Variants in LRRFIP2 observed in about 807,000 individuals in gnomAD.
LRRFIP2 encodes LRR binding FLII interacting protein 2, also known as leucine-rich repeat flightless-interacting protein 2.
LRRFIP2 carries 109 observed loss-of-function variants against 125.9 expected under a neutral mutation model. The observed-to-expected ratio is 0.87, with a 90% CI of 0.74 to 1.01. LRRFIP2 has a LOEUF of 1.01. LRRFIP2 is among the 50% of genes least tolerant of loss of function. The pLI is 0.00. For synonymous variants in LRRFIP2, 291 were observed against 293.1 expected (o/e 0.99, Z 0.07); for missense variants, 850 against 862.3 (o/e 0.99, Z 0.18).
chr3:37,057,960 AT>A (rs2087391806), intron 25 of LRRFIP2, among the ~76,000 whole-genome samples: 1 of 152,214 alleles, frequency 6.6e-6, no homozygotes, highest in African/African-American at 2.4e-5. Context: ...AATAGACTTT[AT>A]TTTGTGGACT....
At chr3:37,084,051 T>C (rs1159769154) in intron 18 of LRRFIP2, among the ~76,000 whole-genome samples, 3 of 152,174 alleles carry the variant, frequency 2.0e-5, no homozygotes, top group South Asian at 2.1e-4. Flanking sequence ...AGCAGCAACA[T>C]AGCCTCTGAA....
chr3:37,166,701 T>C (rs9755599), intron 1 of LRRFIP2, among the ~76,000 whole-genome samples: 57,563 of 150,814 alleles, frequency 0.38, 11,621 homozygotes, highest in Non-Finnish European at 0.45. Context: ...GAGACCAGCC[T>C]GGGCAACATG....
rs527740535 is a variant in LRRFIP2 at position 37,163,731 on chromosome 3, CAAAATTA to C, written c.-56+10801_-56+10807del. ...GAGGTAGTAGAGCTTTTTGGTTTTTCAAAATTAAAAATTTTGGCCAAAAATACATGTA... is the reference window on the plus strand; with the variant it reads ...GAGGTAGTAGAGCTTTTTGGTTTTTCAAAATTTTGGCCAAAAATACATGTA... On this transcript the variant is annotated intron_variant, in intron 1 of 27. Coordinates refer to ENST00000336686, the MANE Select transcript of LRRFIP2 (RefSeq NM_006309.4). Among the ~76,000 whole-genome samples the C allele has an allele frequency of 1.2e-4, 18 of 152,190 alleles. No individual in the cohort carries two copies. In the South Asian group the frequency reaches 3.5e-3, roughly 30 times the overall value.
At chr3:37,110,807 T>C (rs1298402038) in intron 9 of LRRFIP2, among the ~76,000 whole-genome samples, 184 bp downstream of exon 9, 1 of 152,204 alleles carries the variant, frequency 6.6e-6, no homozygotes, top group African/African-American at 2.4e-5. Context: ...TTTATAAACA[T>C]GATGACTGAA....
chr3:37,071,870 T>C (rs2091253601), intron 21 of LRRFIP2, among the ~76,000 whole-genome samples: 1 of 152,140 alleles, frequency 6.6e-6, no homozygotes, highest in African/African-American at 2.4e-5. Flanking sequence ...CCACATGAGA[T>C]GAACTGGAGG....
chr3:37,160,259 C>T (rs934281322), intron 1 of LRRFIP2, among the ~76,000 whole-genome samples: 1 of 151,938 alleles, frequency 6.6e-6, no homozygotes, highest in Non-Finnish European at 1.5e-5. Flanking sequence ...TTTAAATCAC[C>T]CATCCTGCTA....
At chr3:37,135,049 C>T (rs2095523045) in intron 2 of LRRFIP2, 1 of 1,423,730 alleles carries the variant, frequency 7.0e-7, no homozygotes, top group Non-Finnish European at 9.9e-7. Context: ...ATAAAATAGA[C>T]AGACGTAAAA....
intron 2 of LRRFIP2, 73 bp from the exon 3 acceptor site, chr3:37,129,222 A>C: frequency 7.5e-7 from 1 of 1,336,484 alleles, no homozygotes; most frequent in African/African-American, 1.4e-5. Context: ...TTGAAAATAA[A>C]GAATGGGACA....
In LRRFIP2 at chr3:37,054,404, G is replaced by A. The variant is rs772152883; in HGVS notation, c.2055+7C>T. 1.9e-6 allele frequency: 3 copies of A among 1,600,462 alleles called. No individual in the cohort carries two copies. Among genetic ancestry groups the A allele is most frequent in the Non-Finnish European group, 2.6e-6 (3 of 1,168,532 alleles). On this transcript the variant is annotated splice_region_variant and intron_variant, in intron 27 of 27. Transcript: ENST00000336686. ...GTATTCTCCAAGAAACATATTAAAAGAAGTACCTCTCGTTGTAGCTTCCGT... is the reference window on the plus strand; with the variant it reads ...GTATTCTCCAAGAAACATATTAAAAAAAGTACCTCTCGTTGTAGCTTCCGT...
chr3:37,100,612 G>A (rs2093986174), intron 15 of LRRFIP2, among the ~76,000 whole-genome samples: 1 of 151,990 alleles, frequency 6.6e-6, no homozygotes, highest in South Asian at 2.1e-4. Flanking sequence ...TAAACTGTCA[G>A]CACTTTCACT....
chr3:37,080,121 C>T (rs1358054244), intron 19 of LRRFIP2, among the ~76,000 whole-genome samples: 4 of 152,082 alleles, frequency 2.6e-5, no homozygotes, highest in Non-Finnish European at 5.9e-5. Context: ...TTAAATAGGC[C>T]AGGCGCAGTG....
intron 23 of LRRFIP2, chr3:37,064,662 C>T (rs1234869408): frequency 6.6e-6 from 1 of 151,816 alleles, no homozygotes; most frequent in Admixed American, 6.6e-5. Context: ...AGGGCTCACT[C>T]CTAGCCTGTG....
In LRRFIP2 at chr3:37,148,988, T is replaced by C. The variant is rs761454459; in HGVS notation, c.-5A>G. 1.5e-5 allele frequency: 25 copies of C among 1,613,826 alleles called. No homozygotes were observed. The East Asian group carries it at 5.4e-4, about 35-fold the overall frequency. ...TCCAGAAGCAGGAGTCCCCATCTTGTGTTCTTAATAGTCTTTTAACTTTGA... is the reference window on the plus strand; with the variant it reads ...TCCAGAAGCAGGAGTCCCCATCTTGCGTTCTTAATAGTCTTTTAACTTTGA... On this transcript the variant is annotated 5_prime_UTR_variant, in exon 2 of 28. Coordinates refer to ENST00000336686, the MANE Select transcript of LRRFIP2 (RefSeq NM_006309.4).
intron 25 of LRRFIP2, among the ~76,000 whole-genome samples, chr3:37,057,221 C>G (rs917238300): frequency 6.6e-5 from 10 of 152,158 alleles, no homozygotes; most frequent in African/African-American, 2.2e-4. Flanking sequence ...AAATGCCAGC[C>G]CATTCCCCCT....
At chr3:37,081,812 T>G (rs2092665119) in intron 19 of LRRFIP2, among the ~76,000 whole-genome samples, 1 of 148,048 alleles carries the variant, frequency 6.8e-6, no homozygotes. Context: ...CACTTGAGCC[T>G]GGAGACAGAG....
chr3:37,105,762 T>C lies in LRRFIP2; in HGVS notation c.715-239A>G, dbSNP rs2149366778. 1.3e-5 allele frequency among the ~76,000 whole-genome samples: 2 copies of C among 152,276 alleles called. 1 individual carries two copies. The highest frequency in any genetic ancestry group is 4.1e-4 in the South Asian group (2 of 4,828). On this transcript the variant is annotated intron_variant, in intron 13 of 27. Transcript: ENST00000336686. ...ACAAATAAAGTAAAACCTTATATTT[T>C]ATTTAAGTTACATTAAAGAAAGCCA... is the stretch of plus-strand genomic sequence containing the variant.
At chr3:37,133,880 T>C (rs1034626756) in intron 2 of LRRFIP2, among the ~76,000 whole-genome samples, 5 of 152,214 alleles carry the variant, frequency 3.3e-5, no homozygotes, top group African/African-American at 1.2e-4. Context: ...GAAGCCTAAA[T>C]TATTTAAATA....
At chr3:37,142,317 T>C (rs1416255046) in intron 2 of LRRFIP2, among the ~76,000 whole-genome samples, 1 of 151,974 alleles carries the variant, frequency 6.6e-6, no homozygotes, top group Non-Finnish European at 1.5e-5. Context: ...TTTTGTATTT[T>C]TTGTAGAGAC....
intron 19 of LRRFIP2, among the ~76,000 whole-genome samples, chr3:37,076,336 G>T (rs909986340): frequency 6.6e-6 from 1 of 151,852 alleles, no homozygotes; most frequent in Non-Finnish European, 1.5e-5. Context: ...CCCTGCCTGG[G>T]CAACATGGCA....
Sources: gnomAD v4.1 joint callset for allele counts (sites outside exome capture counted in the v4.1 genomes callset) on GRCh38, gnomAD v4.1.1 for gene constraint, MANE v1.5 for transcripts, NCBI Gene and HGNC (gene_info 2026-07-23, HGNC 2026-07-21) for gene names.